SEMA3E: variants seen among roughly 807,000 people sequenced by gnomAD.
SEMA3E encodes semaphorin-3E.
Under a neutral mutation model 93.6 loss-of-function variants are expected in SEMA3E, and 49 were observed. That is an observed-to-expected ratio of 0.52 (90% CI 0.42 to 0.66). The LOEUF is 0.66. SEMA3E is among the 30% of genes least tolerant of loss of function. The probability of loss-of-function intolerance (pLI) is 0.00; values close to 1 mark genes in which losing one functional copy is unlikely to be tolerated. For synonymous variants in SEMA3E, 363 were observed against 330.7 expected, an observed-to-expected ratio of 1.10 and a Z score of -1.06; for missense variants, 906 against 964.8, an observed-to-expected ratio of 0.94 and a Z score of 0.81.
At chr7:83,574,247 TGATA>T (rs1792353447) in intron 1 of SEMA3E, among the ~76,000 whole-genome samples, 1 of 151,886 alleles carries the variant, frequency 6.6e-6, no homozygotes, top group Admixed American at 6.6e-5. Flanking sequence ...AAGAACAAAG[TGATA>T]GATAGTCAAA....
chr7:83,417,133 A>G (rs1788565661), intron 5 of SEMA3E, among the ~76,000 whole-genome samples: 1 of 151,852 alleles, frequency 6.6e-6, no homozygotes, highest in Non-Finnish European at 1.5e-5. Flanking sequence ...CCCCTGAAGA[A>G]CTTAATTACT....
At chr7:83,606,078 G>A (rs1793111433) in intron 1 of SEMA3E, among the ~76,000 whole-genome samples, 2 of 152,270 alleles carry the variant, frequency 1.3e-5, no homozygotes, top group Non-Finnish European at 2.9e-5. Context: ...CCTTCCGTAA[G>A]CAGCAATCAT....
intron 1 of SEMA3E, among the ~76,000 whole-genome samples, chr7:83,497,363 C>T (rs549907730): frequency 2.0e-5 from 3 of 152,194 alleles, no homozygotes; most frequent in East Asian, 3.9e-4. Flanking sequence ...CTTGTTCCAC[C>T]GTCACCTGCC....
At chr7:83,392,938 G>C (rs1007934079) in intron 13 of SEMA3E, among the ~76,000 whole-genome samples, 2 of 150,272 alleles carry the variant, frequency 1.3e-5, no homozygotes, top group Non-Finnish European at 3.0e-5. Context: ...GCATGGTGGC[G>C]GATGCCTGTA....
chr7:83,616,713 C>T (rs1439350032), intron 1 of SEMA3E: 3 of 452,180 alleles, frequency 6.6e-6, no homozygotes, highest in Non-Finnish European at 1.3e-5. Context: ...ACTCTTCATT[C>T]TTCTTCTTTC....
chr7:83,455,068 G>A (rs1789454083), intron 4 of SEMA3E, among the ~76,000 whole-genome samples: 1 of 152,134 alleles, frequency 6.6e-6, no homozygotes. Context: ...CTGCACTAGA[G>A]GAAACTTTTA....
intron 1 of SEMA3E, among the ~76,000 whole-genome samples, chr7:83,581,097 C>T (rs921587127): frequency 6.6e-6 from 1 of 151,924 alleles, no homozygotes; most frequent in Non-Finnish European, 1.5e-5. Context: ...AACATCAGAA[C>T]ACAAAAGTCA....
intron 1 of SEMA3E, among the ~76,000 whole-genome samples, chr7:83,551,029 A>T (rs1791753971): frequency 6.6e-6 from 1 of 152,144 alleles, no homozygotes; most frequent in Non-Finnish European, 1.5e-5. Context: ...TCAAAGTACT[A>T]AGTGTTGGTA....
chr7:83,513,798 G>A (rs1038961483), intron 1 of SEMA3E, among the ~76,000 whole-genome samples: 2 of 152,166 alleles, frequency 1.3e-5, no homozygotes, highest in African/African-American at 4.8e-5. Context: ...AATAAATGCC[G>A]TGCTATATTG....
intron 4 of SEMA3E, among the ~76,000 whole-genome samples, chr7:83,434,914 C>A (rs1272867514): frequency 6.6e-6 from 1 of 151,322 alleles, no homozygotes; most frequent in South Asian, 2.1e-4. Context: ...GGGGTTTCAC[C>A]GTTTTAGCCG....
chr7:83,451,462 C>A (rs1789356480), intron 4 of SEMA3E, among the ~76,000 whole-genome samples: 1 of 152,072 alleles, frequency 6.6e-6, no homozygotes, highest in African/African-American at 2.4e-5. Flanking sequence ...ATGTAACAAA[C>A]CCATTCATTT....
rs192609492 is a variant in SEMA3E, at chr7:83,456,972, G to A, written c.456+9510C>T. Among the ~76,000 whole-genome samples the A allele has an allele frequency of 9.1e-3, 1,381 of 152,196 alleles. 11 individuals carry two copies. Among genetic ancestry groups the A allele is most frequent in the Non-Finnish European group, 0.015 (992 of 68,024 alleles). ...ATTACATTTATTATGTCACTATTCA[G>A]TAATCTCCTTTCTAATTACTTATCC... is the stretch of plus-strand genomic sequence containing the variant. On this transcript the variant is annotated intron_variant, in intron 4 of 16. Transcript: ENST00000643230.
At chr7:83,438,659 T>A (rs552252436) in intron 4 of SEMA3E, among the ~76,000 whole-genome samples, 5 of 152,016 alleles carry the variant, frequency 3.3e-5, no homozygotes, top group Non-Finnish European at 7.4e-5. Flanking sequence ...CATATCCAAT[T>A]TGCATTTGGG....
At chr7:83,595,827 G>T (rs1792861690) in intron 1 of SEMA3E, among the ~76,000 whole-genome samples, 1 of 151,890 alleles carries the variant, frequency 6.6e-6, no homozygotes, top group South Asian at 2.1e-4. Context: ...ACTTGGTTAA[G>T]GTGGTGTCTG....
chr7:83,484,838 AAAT>A (rs1790220305), intron 2 of SEMA3E, among the ~76,000 whole-genome samples: 1 of 152,188 alleles, frequency 6.6e-6, no homozygotes, highest in African/African-American at 2.4e-5. Context: ...GAATAATTAA[AAAT>A]AATATTATAG....
chr7:83,531,631 G>A (rs1001001032), intron 1 of SEMA3E, among the ~76,000 whole-genome samples: 2 of 152,102 alleles, frequency 1.3e-5, no homozygotes, highest in African/African-American at 2.4e-5. Flanking sequence ...GGGATTACAG[G>A]CGTGAGCCAC....
chr7:83,455,841 T>C (rs1344219223), intron 4 of SEMA3E, among the ~76,000 whole-genome samples: 3 of 152,182 alleles, frequency 2.0e-5, no homozygotes. Flanking sequence ...ATCTAGAAAA[T>C]GAGGACCTTG....
intron 4 of SEMA3E, among the ~76,000 whole-genome samples, chr7:83,447,274 C>T (rs539628337): frequency 8.2e-4 from 125 of 152,210 alleles, no homozygotes; most frequent in African/African-American, 2.8e-3. Context: ...TGGTGGCTCA[C>T]GCCTGTAATC....
intron 2 of SEMA3E, among the ~76,000 whole-genome samples, chr7:83,484,451 C>A (rs1458212548): frequency 6.6e-6 from 1 of 152,134 alleles, no homozygotes; most frequent in Non-Finnish European, 1.5e-5. Flanking sequence ...ATCACAATTG[C>A]AAGTCAATGC....
Sources: allele counts gnomAD v4.1 joint callset (sites outside exome capture counted in the v4.1 genomes callset), GRCh38; gene constraint gnomAD v4.1.1; transcripts MANE v1.5; gene names NCBI Gene and HGNC (gene_info 2026-07-23, HGNC 2026-07-21).